IGF1R: variants seen among roughly 807,000 people sequenced by gnomAD.
IGF1R encodes the protein insulin like growth factor 1 receptor.
Under a neutral mutation model 144.6 loss-of-function variants are expected in IGF1R, and 44 were observed. The observed-to-expected ratio is 0.30, with a 90% CI of 0.24 to 0.39. The LOEUF (loss-of-function observed/expected upper bound fraction) is 0.39, where lower values mean the gene tolerates loss of function less well. IGF1R is among the 10% of genes least tolerant of loss of function. IGF1R has a pLI of 1.00. For synonymous variants in IGF1R, 795 were observed against 722.8 expected, an observed-to-expected ratio of 1.10 and a Z score of -1.60; for missense variants, 1,355 against 1,833.7, an observed-to-expected ratio of 0.74 and a Z score of 4.77.
chr15:98,935,159 C>A lies in IGF1R; in HGVS notation c.3186+106C>A. 1 of 1,063,482 alleles carries A rather than the reference C, an allele frequency of 9.4e-7. No individual in the cohort carries two copies. Among genetic ancestry groups the A allele is most frequent in the Non-Finnish European group, 1.4e-6 (1 of 698,788 alleles). 65.9% of individuals were successfully genotyped at this position (1,063,482 alleles called of 1,614,324 possible). A position where few individuals can be genotyped will look rare whatever the true frequency, so the allele number is the denominator to read the frequency against. On this transcript the variant is annotated intron_variant, in intron 16 of 20. Transcript: ENST00000650285. This position sits in a 1 kb window ranked among gnomAD's most constrained non-coding sequence, Gnocchi z 4.2. ...ATGTACCCGTGGGTTTGGTGTCTTG[C>A]CTTTGCCTTCTGGATAGTTACCCCA...
chr15:98,939,109 T>C (rs2151713557), intron 17 of IGF1R, 92 bp from the exon 18 acceptor site: 2 of 1,078,870 alleles, frequency 1.9e-6, no homozygotes, highest in East Asian at 2.5e-5. Context: ...GGTGCCCAGA[T>C]TGAACAAAGA....
At chr15:98,748,464 C>G (rs769867305) in intron 2 of IGF1R, among the ~76,000 whole-genome samples, 15 of 152,198 alleles carry the variant, frequency 9.9e-5, no homozygotes, top group Non-Finnish European at 5.9e-5. Flanking sequence ...CGTGAGCCAC[C>G]ACATGCAGTC....
intron 2 of IGF1R, among the ~76,000 whole-genome samples, chr15:98,818,483 C>T (rs989364894): frequency 2.6e-5 from 4 of 151,416 alleles, no homozygotes; most frequent in African/African-American, 4.9e-5. Context: ...CTGCTGGGAC[C>T]GTGCATATGA....
chr15:98,698,562 G>A (rs2053652039), intron 1 of IGF1R, among the ~76,000 whole-genome samples: 1 of 152,234 alleles, frequency 6.6e-6, no homozygotes, highest in African/African-American at 2.4e-5. Context: ...TTTTGTGACT[G>A]CCTTATTTCA....
intron 20 of IGF1R, among the ~76,000 whole-genome samples, chr15:98,952,204 C>T (rs1241669415): frequency 1.3e-5 from 2 of 152,032 alleles, no homozygotes; most frequent in African/African-American, 4.8e-5. Context: ...CTTCAGGTTA[C>T]ACCATGTGAG....
intron 2 of IGF1R, among the ~76,000 whole-genome samples, chr15:98,770,689 G>A (rs1443827363): frequency 6.6e-6 from 1 of 152,160 alleles, no homozygotes; most frequent in Admixed American, 6.5e-5. Context: ...TTTAGGGTGT[G>A]GGGAATCTGT....
At chr15:98,923,174 T>C (rs1315824951) in intron 11 of IGF1R, among the ~76,000 whole-genome samples, 4 of 152,244 alleles carry the variant, frequency 2.6e-5, no homozygotes, top group African/African-American at 9.6e-5. Context: ...CTTTTCCGGC[T>C]GTAACTTTCC....
At chr15:98,897,937 T>A (rs2014287292) in intron 4 of IGF1R, among the ~76,000 whole-genome samples, 1 of 152,040 alleles carries the variant, frequency 6.6e-6, no homozygotes, top group Non-Finnish European at 1.5e-5. Context: ...TTTTTTTTTT[T>A]TACAGTTTGA....
chr15:98,885,656 C>A (rs2013603971), intron 2 of IGF1R, among the ~76,000 whole-genome samples: 1 of 152,172 alleles, frequency 6.6e-6, no homozygotes, highest in Non-Finnish European at 1.5e-5. Context: ...CTAAACTCTT[C>A]CGTATTTTGA....
chr15:98,839,753 C>T (rs2011143204), intron 2 of IGF1R, among the ~76,000 whole-genome samples: 1 of 152,202 alleles, frequency 6.6e-6, no homozygotes, highest in Non-Finnish European at 1.5e-5. Context: ...CCAGCCTCCA[C>T]AGTGGCTGCT....
At chr15:98,782,005 T>A (rs956520040) in intron 2 of IGF1R, among the ~76,000 whole-genome samples, 7 of 152,182 alleles carry the variant, frequency 4.6e-5, no homozygotes, top group African/African-American at 1.7e-4. Context: ...TCCTATTGAT[T>A]TTTTTTGAGA....
intron 2 of IGF1R, among the ~76,000 whole-genome samples, chr15:98,878,663 C>CAAAAAAAAAAAAAAAAAAAAAAA (rs138285597): frequency 5.2e-5 from 3 of 57,906 alleles, no homozygotes; most frequent in Non-Finnish European, 5.8e-5. Flanking sequence ...GTGAAAGACT[C>CAAAAAAAAAAAAAAAAAAAAAAA]AAAAAAAAAA....
rs996882825 is a variant in IGF1R, at chr15:98,964,189, C to CTGAG, written c.*6749_*6752dup. On this transcript the variant is annotated 3_prime_UTR_variant, in exon 21 of 21. Coordinates refer to ENST00000650285, the MANE Select transcript of IGF1R (RefSeq NM_000875.5). ...GGATGCACCGCAAATAATGCATTTT[C>CTGAG]TGAGTTTTCTTGTTAAAAAAAAATT... is the stretch of plus-strand genomic sequence containing the variant. 9.5e-5 allele frequency: 22 copies of CTGAG among 231,848 alleles called. No homozygotes were observed. Among genetic ancestry groups the CTGAG allele is most frequent in the African/African-American group, 4.7e-4 (21 of 44,950 alleles). 14.4% of individuals were successfully genotyped at this position (231,848 alleles called of 1,614,324 possible).
rs904935785 is a variant in IGF1R, at chr15:98,707,487, T to C, written c.95-75T>C. 2.2e-6 allele frequency: 3 copies of C among 1,391,658 alleles called. No homozygotes were observed. The highest frequency in any genetic ancestry group is 1.4e-5 in the African/African-American group (1 of 69,902). 86.2% of individuals were successfully genotyped at this position (1,391,658 alleles called of 1,614,324 possible). A position where few individuals can be genotyped will look rare whatever the true frequency, so the allele number is the denominator to read the frequency against. ...TAATACAGGATTCCTGAAAACCAAC[T>C]GTATTATTGTTTGGAAAATAGTTTA... On this transcript the variant is annotated intron_variant, in intron 1 of 20. Coordinates refer to ENST00000650285, the MANE Select transcript of IGF1R (RefSeq NM_000875.5). The surrounding 1 kb of genome is among the most constrained non-coding windows in gnomAD (Gnocchi z 6.7).
At chr15:98,814,084 GTGACATGGTT>G (rs768885584) in intron 2 of IGF1R, among the ~76,000 whole-genome samples, 11 of 152,194 alleles carry the variant, frequency 7.2e-5, no homozygotes, top group Non-Finnish European at 1.3e-4. Flanking sequence ...ATTGAGGTAT[GTGACATGGTT>G]AATAACCCAG....
chr15:98,943,423 C>T (rs1187782043), intron 19 of IGF1R, among the ~76,000 whole-genome samples: 2 of 152,174 alleles, frequency 1.3e-5, no homozygotes, highest in Admixed American at 6.5e-5. Context: ...GTGTGTCTGC[C>T]TCACCTAATC....
At chr15:98,932,667 G>A (rs985629995) in intron 15 of IGF1R, among the ~76,000 whole-genome samples, 2 of 152,142 alleles carry the variant, frequency 1.3e-5, no homozygotes, top group Admixed American at 6.5e-5. Context: ...TTTCTGAGGC[G>A]CATTGTGAAG....
At chr15:98,952,303 A>ACACACACACAC (rs2016808542) in intron 20 of IGF1R, among the ~76,000 whole-genome samples, 1 of 146,570 alleles carries the variant, frequency 6.8e-6, no homozygotes, top group African/African-American at 2.5e-5. Context: ...GTACCCCACC[A>ACACACACACAC]ACACACACAC....
At chr15:98,870,883 GT>G (rs1259194356) in intron 2 of IGF1R, among the ~76,000 whole-genome samples, 1 of 152,238 alleles carries the variant, frequency 6.6e-6, no homozygotes, top group Non-Finnish European at 1.5e-5. Flanking sequence ...GTGAAGGAAT[GT>G]TCCCATGGCA....
Sources: allele counts gnomAD v4.1 joint callset (sites outside exome capture counted in the v4.1 genomes callset), GRCh38; gene constraint gnomAD v4.1.1; non-coding constraint Gnocchi (gnomAD v3.1); transcripts MANE v1.5; gene names NCBI Gene and HGNC (gene_info 2026-07-23, HGNC 2026-07-21).